The following HMGA2 variants were observed in gnomAD, a reference collection of about 807,000 sequenced individuals.
HMGA2 encodes the protein high mobility group AT-hook 2, also known as high mobility group protein HMGI-C.
Under a neutral mutation model 19.1 loss-of-function variants are expected in HMGA2, and 8 were observed. The observed-to-expected ratio is 0.42, with a 90% CI of 0.25 to 0.76. The LOEUF (loss-of-function observed/expected upper bound fraction) is 0.76. HMGA2 is among the 30% of genes least tolerant of loss of function. The pLI is 0.28. For missense variants in HMGA2, 109 were observed against 136.3 expected (o/e 0.80, Z 1.00); for synonymous variants, 60 against 48.8 (o/e 1.23, Z -0.96).
At chr12:65,869,761 T>C (rs1392713987) in intron 3 of HMGA2, among the ~76,000 whole-genome samples, 1 of 152,176 alleles carries the variant, frequency 6.6e-6, no homozygotes, top group East Asian at 1.9e-4. Context: ...GACCTCAAAA[T>C]ACACCTTTAA....
intron 3 of HMGA2, among the ~76,000 whole-genome samples, chr12:65,929,982 G>C (rs960974343): frequency 6.6e-6 from 1 of 152,020 alleles, no homozygotes; most frequent in Admixed American, 6.6e-5. Context: ...AACTGTAGAG[G>C]GGGGAAACCA....
intron 3 of HMGA2, among the ~76,000 whole-genome samples, chr12:65,913,022 T>C (rs898863924): frequency 6.6e-6 from 1 of 152,200 alleles, no homozygotes; most frequent in African/African-American, 2.4e-5. Flanking sequence ...ATCTCTATTG[T>C]TTGAAAACAC....
chr12:65,836,253 A>AGAGGCT (rs1378759537), intron 2 of HMGA2, among the ~76,000 whole-genome samples: 7 of 151,776 alleles, frequency 4.6e-5, no homozygotes, highest in Non-Finnish European at 1.0e-4. Context: ...CAGCTACTTG[A>AGAGGCT]GAGGCTGAGG....
chr12:65,862,234 AC>A (rs1232998121), intron 3 of HMGA2, among the ~76,000 whole-genome samples: 1 of 151,630 alleles, frequency 6.6e-6, no homozygotes, highest in Non-Finnish European at 1.5e-5. Context: ...GGATATACTT[AC>A]CTTTTTTCAG....
At chr12:65,923,103 T>A (rs2121245562) in intron 3 of HMGA2, among the ~76,000 whole-genome samples, 1 of 152,298 alleles carries the variant, frequency 6.6e-6, no homozygotes, top group South Asian at 2.1e-4. Flanking sequence ...TTCCCTAGTT[T>A]CTTCAATTGG....
chr12:65,951,672 A>G, intron 4 of HMGA2: 1 of 357,392 alleles, frequency 2.8e-6, no homozygotes, highest in Non-Finnish European at 5.1e-6. Context: ...CTATTTTATT[A>G]CATTGCCTCA....
At chr12:65,894,157 G>A (rs963100174) in intron 3 of HMGA2, among the ~76,000 whole-genome samples, 5 of 152,096 alleles carry the variant, frequency 3.3e-5, no homozygotes, top group African/African-American at 9.7e-5. Flanking sequence ...TTTTTCTAAC[G>A]TGTTAAGGAT....
At chr12:65,910,416 A>G (rs1250938066) in intron 3 of HMGA2, among the ~76,000 whole-genome samples, 26 of 152,192 alleles carry the variant, frequency 1.7e-4, no homozygotes, top group Non-Finnish European at 1.5e-5. Flanking sequence ...ACTGCATTAA[A>G]TCTTTTATAT....
At chr12:65,876,650 C>T (rs1015198582) in intron 3 of HMGA2, among the ~76,000 whole-genome samples, 1 of 152,196 alleles carries the variant, frequency 6.6e-6, no homozygotes, top group Non-Finnish European at 1.5e-5. Flanking sequence ...ACCATAAAAT[C>T]ATTTCACCAC....
chr12:65,847,974 G>GT (rs1233678108), intron 3 of HMGA2, among the ~76,000 whole-genome samples: 4 of 151,878 alleles, frequency 2.6e-5, no homozygotes, highest in Non-Finnish European at 4.4e-5. Flanking sequence ...GCTACAGCAG[G>GT]TTTTTTTTAA....
At chr12:65,947,268 C>T (rs569968479) in intron 3 of HMGA2, among the ~76,000 whole-genome samples, 22 of 152,174 alleles carry the variant, frequency 1.4e-4, no homozygotes, top group African/African-American at 4.6e-4. Flanking sequence ...TACAGGCATG[C>T]GCCACTATAC....
chr12:65,884,169 A>T (rs1184833526), intron 3 of HMGA2, among the ~76,000 whole-genome samples: 1 of 152,162 alleles, frequency 6.6e-6, no homozygotes, highest in Non-Finnish European at 1.5e-5. Context: ...TCTGGCTCTC[A>T]TATTTTTTAT....
At chr12:65,844,751 A>G (rs1871164847) in intron 3 of HMGA2, among the ~76,000 whole-genome samples, 1 of 152,216 alleles carries the variant, frequency 6.6e-6, no homozygotes, top group South Asian at 2.1e-4. Context: ...GATTATAAAA[A>G]CATTGACTGC....
At chr12:65,831,948 A>G (rs551414539) in intron 2 of HMGA2, among the ~76,000 whole-genome samples, 47 of 152,034 alleles carry the variant, frequency 3.1e-4, no homozygotes, top group Middle Eastern at 3.4e-3. Context: ...ATTCTGGCCT[A>G]TGGTTTCTAA....
chr12:65,944,288 A>G (rs1224504040), intron 3 of HMGA2, among the ~76,000 whole-genome samples: 1 of 152,222 alleles, frequency 6.6e-6, no homozygotes, highest in African/African-American at 2.4e-5. Context: ...CCTTCCTTGG[A>G]TAGCCACAGA....
At chr12:65,873,226 A>G (rs2121048387) in intron 3 of HMGA2, among the ~76,000 whole-genome samples, 1 of 152,358 alleles carries the variant, frequency 6.6e-6, no homozygotes, top group Middle Eastern at 3.4e-3. Context: ...TACAGAGCAT[A>G]GTGTGTGTCT....
chr12:65,917,149 C>A (rs1011667149), intron 3 of HMGA2, among the ~76,000 whole-genome samples: 1 of 152,000 alleles, frequency 6.6e-6, no homozygotes, highest in Non-Finnish European at 1.5e-5. Flanking sequence ...GGGCTAGGAG[C>A]CCCTGGCTGA....
At chr12:65,845,183 G>C (rs1239926984) in intron 3 of HMGA2, among the ~76,000 whole-genome samples, 1 of 152,150 alleles carries the variant, frequency 6.6e-6, no homozygotes, top group African/African-American at 2.4e-5. Flanking sequence ...AGGTAAACAA[G>C]TAAAATGATT....
At chr12:65,831,487 C>T (rs573324834) in intron 2 of HMGA2, among the ~76,000 whole-genome samples, 1 of 151,728 alleles carries the variant, frequency 6.6e-6, no homozygotes, top group South Asian at 2.1e-4. Flanking sequence ...TGAGATAACC[C>T]TACTTCATCA....
Sources: allele counts gnomAD v4.1 joint callset (sites outside exome capture counted in the v4.1 genomes callset), GRCh38; gene constraint gnomAD v4.1.1; transcripts MANE v1.5; gene names NCBI Gene and HGNC (gene_info 2026-07-23, HGNC 2026-07-21).